Variants in DYNC2I1 observed in about 807,000 individuals in gnomAD.
DYNC2I1 encodes dynein 2 intermediate chain 1, also known as cytoplasmic dynein 2 intermediate chain 1.
A neutral mutation model predicts 133.4 loss-of-function variants in DYNC2I1; 89 were observed. The observed-to-expected ratio is 0.67, with a 90% CI of 0.56 to 0.80. DYNC2I1 has a LOEUF of 0.80. Among genes scored for constraint, DYNC2I1 ranks in the 30% least tolerant of loss-of-function variants. The pLI is 0.00. For synonymous variants in DYNC2I1, 504 were observed against 484.3 expected (o/e 1.04, Z -0.54); for missense variants, 1,291 against 1,314.5 (o/e 0.98, Z 0.28).
intron 11 of DYNC2I1, among the ~76,000 whole-genome samples, chr7:158,909,580 G>A (rs901955961): frequency 1.4e-4 from 22 of 152,232 alleles, no homozygotes; most frequent in African/African-American, 5.1e-4. Context: ...GCTTGTATCA[G>A]AGAAATCCTC....
chr7:158,889,665 C>G (rs1368768531), intron 7 of DYNC2I1, among the ~76,000 whole-genome samples: 1 of 151,594 alleles, frequency 6.6e-6, no homozygotes, highest in African/African-American at 2.4e-5. Context: ...CCAGCCTGGG[C>G]AACATAGGAA....
intron 14 of DYNC2I1, among the ~76,000 whole-genome samples, chr7:158,918,371 C>G (rs1022845977): frequency 6.6e-6 from 1 of 152,250 alleles, no homozygotes; most frequent in Admixed American, 6.5e-5. Flanking sequence ...ACCACTCACT[C>G]TGGCTTTTTA....
intron 24 of DYNC2I1, among the ~76,000 whole-genome samples, 191 bp downstream of exon 24, chr7:158,942,339 GA>G (rs1337165221): frequency 7.9e-5 from 12 of 152,244 alleles, no homozygotes; most frequent in African/African-American, 2.7e-4. Flanking sequence ...TAGGTTCACA[GA>G]AATTTGAGTG....
intron 20 of DYNC2I1, among the ~76,000 whole-genome samples, chr7:158,927,406 G>C (rs906175804): frequency 1.9e-5 from 2 of 107,648 alleles, no homozygotes; most frequent in Admixed American, 1.8e-4. Flanking sequence ...TTGTCTCTCT[G>C]TTAAAAAAAA....
At chr7:158,845,456 T>C in the DYNC2I1 span, among the ~76,000 whole-genome samples, 1 of 152,384 alleles carries the variant, frequency 6.6e-6, no homozygotes, top group Non-Finnish European at 1.5e-5. Flanking sequence ...AGTGGTTTCA[T>C]ACTTAACCGT....
chr7:158,925,621 G>A (rs1038688124), intron 17 of DYNC2I1, among the ~76,000 whole-genome samples: 1 of 152,120 alleles, frequency 6.6e-6, no homozygotes. Flanking sequence ...TTTATTGATT[G>A]GCGACAGGTA....
At chr7:158,881,812 TTG>T (rs2129479334) in intron 5 of DYNC2I1, among the ~76,000 whole-genome samples, 1 of 152,318 alleles carries the variant, frequency 6.6e-6, no homozygotes, top group African/African-American at 2.4e-5. Flanking sequence ...TCTCCCAACG[TTG>T]TGTTACGAAC....
In DYNC2I1 at chr7:158,922,484, G is replaced by C; in HGVS notation, c.2029G>C (p.Val677Leu). 8 of 1,613,916 alleles carry C rather than the reference G, an allele frequency of 5.0e-6. No individual in the cohort carries two copies. Among genetic ancestry groups the C allele is most frequent in the Non-Finnish European group, 6.8e-6 (8 of 1,179,884 alleles). Residue 677 changes from valine (V) to leucine (L), a missense_variant, in exon 16 of 25, where the codon GTC becomes CTC. By Grantham distance (32) the Val-to-Leu change is conservative. Transcript: ENST00000407559. Reference protein sequence around the residue: ...SFVPLLDSKYVLCVWDIWQPS... With the variant: ...SFVPLLDSKYLLCVWDIWQPS... ...TGTGCCCCTGCTGGACAGCAAATAC[G>C]TCCTCTGTGTGTGGGATATTTGGCA...
intron 3 of DYNC2I1, among the ~76,000 whole-genome samples, chr7:158,873,001 C>G (rs1353392809): frequency 6.6e-6 from 1 of 151,144 alleles, no homozygotes; most frequent in South Asian, 2.1e-4. Context: ...AAAAAAAAAA[C>G]CCAAAAAACA....
At chr7:158,916,141 CATG>C (rs1235867731) in intron 14 of DYNC2I1, among the ~76,000 whole-genome samples, 1 of 83,502 alleles carries the variant, frequency 1.2e-5, no homozygotes, top group Non-Finnish European at 3.0e-5. Context: ...GAAACGTCGA[CATG>C]GTGGTTGACA....
At chr7:158,889,989 G>C (rs1412733232) in intron 7 of DYNC2I1, among the ~76,000 whole-genome samples, 1 of 137,776 alleles carries the variant, frequency 7.3e-6, no homozygotes, top group Non-Finnish European at 1.5e-5. Flanking sequence ...CTGGGCCACG[G>C]AGTGAGACTC....
chr7:158,926,501 A>G, intron 19 of DYNC2I1, 38 bp downstream of exon 19: 2 of 1,600,560 alleles, frequency 1.2e-6, no homozygotes, highest in Non-Finnish European at 1.7e-6. Flanking sequence ...GCGGGGCCTG[A>G]GTGAGGTGGT....
At chr7:158,885,120 C>T (rs961942041) in intron 6 of DYNC2I1, among the ~76,000 whole-genome samples, 8 of 152,082 alleles carry the variant, frequency 5.3e-5, no homozygotes, top group African/African-American at 1.7e-4. Flanking sequence ...GACGTGCCGG[C>T]GAGTCCCCCT....
rs769805987 is a variant in DYNC2I1 at position 158,926,438 on chromosome 7, A to C, written c.2408A>C (p.Asp803Ala). ...SGLSFHIASL[D>A]ESGVLNVWVV... ...TTGTCCTTCCACATCGCTTCCTTGG[A>C]TGAGAGTGGGGTTCTCAATGTATGG... The change falls in exon 19 of 25, where the codon GAT becomes GCT. Residue 803 changes from aspartate to alanine, a missense_variant. Coordinates refer to ENST00000407559, the MANE Select transcript of DYNC2I1 (RefSeq NM_018051.5). The C allele has an allele frequency of 6.2e-7, 1 of 1,613,446 alleles. No individual in the cohort carries two copies. Among genetic ancestry groups the C allele is most frequent in the Non-Finnish European group, 8.5e-7 (1 of 1,179,666 alleles).
chr7:158,891,482 T>A, intron 8 of DYNC2I1, 149 bp downstream of exon 8: 1 of 881,374 alleles, frequency 1.1e-6, no homozygotes, highest in Non-Finnish European at 1.8e-6. Context: ...GATGAGATTT[T>A]CATATGAAAT....
At chr7:158,927,133 C>G in intron 20 of DYNC2I1, 90 bp downstream of exon 20, 3 of 913,960 alleles carry the variant, frequency 3.3e-6, no homozygotes, top group Non-Finnish European at 3.4e-6. Context: ...TGCAGTGGCT[C>G]ACACCTGCTG....
At chr7:158,940,361 G>A (rs1444327089) in intron 23 of DYNC2I1, among the ~76,000 whole-genome samples, 2 of 152,178 alleles carry the variant, frequency 1.3e-5, no homozygotes. Context: ...CTGACAGGAG[G>A]TGGGGTTCAG....
chr7:158,893,522 C>A (rs113927438), intron 8 of DYNC2I1, among the ~76,000 whole-genome samples: 1 of 152,154 alleles, frequency 6.6e-6, no homozygotes, highest in South Asian at 2.1e-4. Flanking sequence ...TGTTTAATAT[C>A]TCATATAATT....
rs138791282 is a variant in DYNC2I1, at chr7:158,864,736, G to A, written c.16-5119G>A. On this transcript the variant is annotated intron_variant, in intron 1 of 24. Coordinates refer to ENST00000407559, the MANE Select transcript of DYNC2I1 (RefSeq NM_018051.5). ...GCCCTGGCTGGTCTTGAACTCCTGG[G>A]CTCAAGTAATCTTCCTACCTCAGCC... Among the ~76,000 whole-genome samples, 616 of 152,164 alleles carry A rather than the reference G, an allele frequency of 4.0e-3. 3 individuals carry two copies. Among genetic ancestry groups the A allele is most frequent in the South Asian group, 8.7e-3 (42 of 4,826 alleles).
Sources: allele counts gnomAD v4.1 joint callset (sites outside exome capture counted in the v4.1 genomes callset), GRCh38; gene constraint gnomAD v4.1.1; transcripts MANE v1.5; gene names NCBI Gene and HGNC (gene_info 2026-07-23, HGNC 2026-07-21).